AKAP6: variants seen among roughly 807,000 people sequenced by gnomAD.
The protein encoded by AKAP6 is A-kinase anchor protein 6.
A neutral mutation model predicts 188.5 loss-of-function variants in AKAP6; 58 were observed. That is an observed-to-expected ratio of 0.31 (90% CI 0.25 to 0.38). The LOEUF is 0.38. Ranked by LOEUF, AKAP6 falls within the 10% of genes least tolerant of loss-of-function variation. The pLI, the probability that AKAP6 is intolerant of heterozygous loss-of-function variation, is 1.00. For missense variants in AKAP6, 2,710 were observed against 2,740.0 expected (o/e 0.99, Z 0.24); for synonymous variants, 989 against 998.6 (o/e 0.99, Z 0.18).
chr14:32,621,836 G>A (rs1484130258), intron 7 of AKAP6, among the ~76,000 whole-genome samples: 4 of 152,016 alleles, frequency 2.6e-5, no homozygotes, highest in Non-Finnish European at 5.9e-5. Context: ...TTATGAGTTT[G>A]TTAGCTCACT....
intron 12 of AKAP6, among the ~76,000 whole-genome samples, chr14:32,802,384 A>G (rs1166916258): frequency 3.3e-5 from 5 of 152,226 alleles, no homozygotes; most frequent in South Asian, 2.1e-4. Context: ...GGCAGAAGAT[A>G]TGACCAAGTG....
intron 1 of AKAP6, among the ~76,000 whole-genome samples, chr14:32,410,762 A>G (rs1889456117): frequency 6.6e-6 from 1 of 152,126 alleles, no homozygotes. Flanking sequence ...GACCATATTA[A>G]TAGGTTTTTT....
intron 1 of AKAP6, among the ~76,000 whole-genome samples, chr14:32,389,112 T>A (rs191825141): frequency 6.6e-6 from 1 of 152,310 alleles, no homozygotes; most frequent in Admixed American, 6.5e-5. Flanking sequence ...TTGTCTTTTT[T>A]AACTGCTGTT....
At chr14:32,779,415 C>CAA (rs56103737) in intron 12 of AKAP6, among the ~76,000 whole-genome samples, 10,801 of 105,270 alleles carry the variant, frequency 0.1, 910 homozygotes, top group African/African-American at 0.15. Flanking sequence ...GTCTCAGGAC[C>CAA]AAAAAAAAAA....
chr14:32,772,083 A>G (rs192793748), intron 11 of AKAP6, among the ~76,000 whole-genome samples: 1 of 152,140 alleles, frequency 6.6e-6, no homozygotes, highest in African/African-American at 2.4e-5. Context: ...AGTGAAAAGA[A>G]GAGACAGAGA....
chr14:32,520,111 A>G (rs950886748), intron 2 of AKAP6, among the ~76,000 whole-genome samples: 1 of 152,220 alleles, frequency 6.6e-6, no homozygotes, highest in Non-Finnish European at 1.5e-5. Context: ...GTACATAACT[A>G]AATGAAGGCA....
rs148411876 is a variant in AKAP6 at position 32,463,501 on chromosome 14, C to T, written c.324+29684C>T. 1.5e-4 allele frequency among the ~76,000 whole-genome samples: 23 copies of T among 152,194 alleles called. No homozygotes were observed. In the East Asian group the frequency reaches 2.1e-3, roughly 14 times the overall value. ...TGAACAACCTGCTCCTGAATGTTTA[C>T]GGGGTAAAGAGTGAAATTAAGGCAG... On this transcript the variant is annotated intron_variant, in intron 2 of 13. Coordinates refer to ENST00000280979, the MANE Select transcript of AKAP6 (RefSeq NM_004274.5).
intron 1 of AKAP6, among the ~76,000 whole-genome samples, chr14:32,373,098 G>C (rs374844524): frequency 6.6e-6 from 1 of 151,312 alleles, no homozygotes; most frequent in African/African-American, 2.4e-5. Flanking sequence ...TGGCTTTTTT[G>C]GGGGGGTGGG....
intron 4 of AKAP6, among the ~76,000 whole-genome samples, chr14:32,558,504 T>C (rs1023480495): frequency 2.0e-5 from 3 of 152,196 alleles, no homozygotes; most frequent in Non-Finnish European, 4.4e-5. Context: ...AGAATTTATA[T>C]AGCAGAGATG....
chr14:32,459,293 A>G (rs1415321403), intron 2 of AKAP6, among the ~76,000 whole-genome samples: 1 of 129,746 alleles, frequency 7.7e-6, no homozygotes, highest in African/African-American at 2.4e-5. Context: ...GGCAATGAAA[A>G]TGTTCTAGAG....
At chr14:32,521,546 GACAA>G (rs1429634575) in intron 2 of AKAP6, among the ~76,000 whole-genome samples, 12 of 152,268 alleles carry the variant, frequency 7.9e-5, no homozygotes, top group African/African-American at 2.6e-4. Flanking sequence ...ACCACTAACA[GACAA>G]ACAGAGAGCC....
intron 2 of AKAP6, among the ~76,000 whole-genome samples, chr14:32,475,150 G>A (rs576791178): frequency 1.2e-4 from 19 of 152,222 alleles, no homozygotes; most frequent in South Asian, 6.2e-4. Context: ...TTTGTTCAGC[G>A]CTTACTATAT....
chr14:32,342,987 C>T (rs1321787226), intron 1 of AKAP6, among the ~76,000 whole-genome samples: 3 of 152,178 alleles, frequency 2.0e-5, no homozygotes, highest in Non-Finnish European at 4.4e-5. Flanking sequence ...CATTGTTATG[C>T]ACACTAATGT....
intron 2 of AKAP6, among the ~76,000 whole-genome samples, chr14:32,515,708 A>T (rs1285875863): frequency 6.6e-6 from 1 of 152,178 alleles, no homozygotes; most frequent in Non-Finnish European, 1.5e-5. Context: ...GCCTAGCGTG[A>T]TGCAAAGTGA....
intron 1 of AKAP6, among the ~76,000 whole-genome samples, chr14:32,394,408 T>G (rs373669840): frequency 5.3e-5 from 8 of 152,092 alleles, no homozygotes; most frequent in Admixed American, 1.3e-4. Flanking sequence ...ACTGGAGCCA[T>G]AGGGTGGAGT....
chr14:32,513,393 C>T (rs138966906), intron 2 of AKAP6, among the ~76,000 whole-genome samples: 100 of 152,114 alleles, frequency 6.6e-4, no homozygotes, highest in African/African-American at 2.4e-3. Context: ...TCCTAGTAAC[C>T]AGAATTAATG....
chr14:32,705,042 G>C (rs561709353), intron 9 of AKAP6, among the ~76,000 whole-genome samples: 1 of 152,156 alleles, frequency 6.6e-6, no homozygotes, highest in African/African-American at 2.4e-5. Flanking sequence ...TTTTCCCATA[G>C]TGCTTTCACA....
chr14:32,813,082 A>G (rs1217484501), intron 12 of AKAP6, among the ~76,000 whole-genome samples: 2 of 152,034 alleles, frequency 1.3e-5, no homozygotes, highest in Non-Finnish European at 1.5e-5. Flanking sequence ...CAATCACGCA[A>G]TTTCCCATCC....
At chr14:32,347,588 A>G (rs1178884971) in intron 1 of AKAP6, among the ~76,000 whole-genome samples, 1 of 152,244 alleles carries the variant, frequency 6.6e-6, no homozygotes, top group African/African-American at 2.4e-5. Context: ...CATTTTACAG[A>G]CACTGAAGCT....
Sources: gnomAD v4.1 joint callset for allele counts (sites outside exome capture counted in the v4.1 genomes callset) on GRCh38, gnomAD v4.1.1 for gene constraint, MANE v1.5 for transcripts, NCBI Gene and HGNC (gene_info 2026-07-23, HGNC 2026-07-21) for gene names.